The following PMS2 variants were observed in gnomAD, a reference collection of about 807,000 sequenced individuals.
PMS2 encodes the protein PMS1 homolog 2, mismatch repair system component, also known as mismatch repair endonuclease PMS2.
Under a neutral mutation model 90.0 loss-of-function variants are expected in PMS2, and 69 were observed. The ratio of observed to expected loss-of-function variants is 0.77; its 90% CI spans 0.63 to 0.94. The LOEUF (loss-of-function observed/expected upper bound fraction) is 0.94. Among genes scored for constraint, PMS2 ranks in the 40% least tolerant of loss-of-function variants. The probability of loss-of-function intolerance (pLI) is 0.00; values close to 1 mark genes in which losing one functional copy is unlikely to be tolerated. For missense variants in PMS2, 966 were observed against 1,040.2 expected (o/e 0.93, Z 0.98); for synonymous variants, 332 against 375.1 (o/e 0.89, Z 1.33).
At chr7:5,979,791 G>A (rs1042191017) in intron 12 of PMS2, among the ~76,000 whole-genome samples, 1 of 127,500 alleles carries the variant, frequency 7.8e-6, no homozygotes, top group African/African-American at 2.8e-5. Flanking sequence ...AAAGTGCTGG[G>A]ATTACGAGTG....
In PMS2 at chr7:5,987,725, A is replaced by T. The variant is rs1783206255; in HGVS notation, c.1145-105T>A. On this transcript the variant is annotated intron_variant, in intron 10 of 14. Transcript: ENST00000265849. The stretch of plus-strand genomic sequence containing the variant: ...CACAAAAGAGGAGATCCACATGCTA[A>T]TTACACAGATGAACACAGTTCAATG... The T allele has an allele frequency of 5.1e-6, 5 of 989,170 alleles. No homozygotes were observed. In the South Asian group the frequency reaches 5.1e-5, roughly 10 times the overall value. 61.3% of individuals were successfully genotyped at this position (989,170 alleles called of 1,614,324 possible). A position where few individuals can be genotyped will look rare whatever the true frequency, so the allele number is the denominator to read the frequency against.
intron 9 of PMS2, among the ~76,000 whole-genome samples, chr7:5,990,617 G>T (rs1435375987): frequency 6.6e-6 from 1 of 152,152 alleles, no homozygotes; most frequent in Non-Finnish European, 1.5e-5. Flanking sequence ...TTATAGGTAG[G>T]TGTGTAAATT....
At chr7:5,990,059 G>GT (rs149249785) in intron 9 of PMS2, 104 bp from the exon 10 acceptor site, 138,804 of 716,424 alleles carry the variant, frequency 0.19, 16,089 homozygotes, top group Middle Eastern at 0.25. Flanking sequence ...CTAGGCTGGA[G>GT]TGCAGTGGCG....
intron 10 of PMS2, among the ~76,000 whole-genome samples, chr7:5,989,130 A>G (rs111316560): frequency 0.012 from 1,798 of 152,248 alleles, 19 homozygotes; most frequent in Middle Eastern, 0.095. Flanking sequence ...GATTACAAGC[A>G]TGAGCCGCTG....
intron 2 of PMS2, 112 bp downstream of exon 2, chr7:6,005,780 A>G: frequency 6.5e-7 from 1 of 1,538,256 alleles, no homozygotes; most frequent in South Asian, 1.1e-5. Flanking sequence ...CTTAAAAATA[A>G]TAATTTATTA....
At chr7:6,001,148 C>A (rs1257856430) in intron 5 of PMS2, among the ~76,000 whole-genome samples, 1 of 152,080 alleles carries the variant, frequency 6.6e-6, no homozygotes, top group South Asian at 2.1e-4. Context: ...ATCTCACATC[C>A]AAGGATAACT....
chr7:5,976,051 C>A (rs570568880), intron 14 of PMS2, among the ~76,000 whole-genome samples: 24 of 144,882 alleles, frequency 1.7e-4, no homozygotes, highest in Admixed American at 9.7e-4. Flanking sequence ...CCAGCCTGAC[C>A]AACATGGTGA....
At chr7:5,986,697 A>G in intron 11 of PMS2, 62 bp downstream of exon 11, 5 of 1,316,490 alleles carry the variant, frequency 3.8e-6, no homozygotes, top group Non-Finnish European at 5.2e-6. Context: ...GTCTCAAAAA[A>G]ATAAAAAATA....
At chr7:6,004,983 C>T (rs1451746868) in intron 2 of PMS2, among the ~76,000 whole-genome samples, 5 of 151,962 alleles carry the variant, frequency 3.3e-5, no homozygotes. Context: ...TGGCTCACTG[C>T]AGCCTCCACC....
chr7:5,976,065 C>A (rs1182622876), intron 14 of PMS2, among the ~76,000 whole-genome samples: 1 of 144,754 alleles, frequency 6.9e-6, no homozygotes, highest in East Asian at 2.8e-4. Context: ...ATGGTGAAAC[C>A]CCATCTCTAT....
intron 12 of PMS2, 126 bp downstream of exon 12, chr7:5,982,698 T>C (rs1782420214): frequency 4.4e-6 from 6 of 1,374,948 alleles, no homozygotes; most frequent in Non-Finnish European, 4.1e-6. Context: ...TTAAAGTAGA[T>C]ACAAGGTCTT....
Position 6,002,586 on chromosome 7 carries a change from A to G in PMS2, c.404T>C (p.Leu135Pro), listed in dbSNP as rs2128818545. The G allele has an allele frequency of 1.2e-6, 2 of 1,611,954 alleles. No individual in the cohort carries two copies. Among genetic ancestry groups the G allele is most frequent in the South Asian group, 2.2e-5 (2 of 90,992 alleles). Residue 135 changes from leucine (L) to proline (P), a missense_variant, in exon 5 of 15, where the codon CTG becomes CCG. Physicochemically the swap from Leu to Pro is moderately conservative, Grantham distance 98. Transcript: ENST00000265849. ...AATTTTCCCATTGTGATCAAACATC[A>G]GTCGAGTTCCAACCTTCGCCGATGC... ...CHASAKVGTR[L>P]MFDHNGKIIQ...
At chr7:5,988,903 TG>T (rs1273748435) in intron 10 of PMS2, among the ~76,000 whole-genome samples, 1 of 152,126 alleles carries the variant, frequency 6.6e-6, no homozygotes, top group Non-Finnish European at 1.5e-5. Flanking sequence ...TCACCCAGGC[TG>T]GAGTGCAGTG....
chr7:5,996,427 C>T (rs943726609), intron 7 of PMS2, among the ~76,000 whole-genome samples: 1 of 151,630 alleles, frequency 6.6e-6, no homozygotes, highest in African/African-American at 2.4e-5. Context: ...TGGTGGTGAA[C>T]ACCTGTAGTC....
At chr7:5,981,347 C>T (rs1224390592) in intron 12 of PMS2, among the ~76,000 whole-genome samples, 3 of 150,032 alleles carry the variant, frequency 2.0e-5, no homozygotes, top group East Asian at 4.0e-4. Context: ...TGGGCTCAAA[C>T]GATCCTCCCA....
chr7:5,996,375 G>A (rs554828934), intron 7 of PMS2, among the ~76,000 whole-genome samples: 2 of 151,886 alleles, frequency 1.3e-5, no homozygotes, highest in East Asian at 1.9e-4. Context: ...GCAACATGGC[G>A]AAACCCCGTC....
Position 5,989,354 on chromosome 7 carries a change from G to T in PMS2, c.1144+446C>A, listed in dbSNP as rs528865027. 2.6e-5 allele frequency among the ~76,000 whole-genome samples: 4 copies of T among 152,102 alleles called. No homozygotes were observed. In the South Asian group the frequency reaches 8.3e-4, roughly 32 times the overall value. On this transcript the variant is annotated intron_variant, in intron 10 of 14. Coordinates refer to ENST00000265849, the MANE Select transcript of PMS2 (RefSeq NM_000535.7). ...GCTGAGGCAGGAGAATCTCTTGAAC[G>T]TGGGAGGCTTCAAGGTTGCAGTGAG...
rs1554306528 is a variant in PMS2 at position 6,005,982 on chromosome 7, G to A, written c.73C>T (p.Gln25Ter). 6.2e-7 allele frequency: 1 copy of A among 1,610,776 alleles called. No individual in the cohort carries two copies. Among genetic ancestry groups the A allele is most frequent in the Non-Finnish European group, 8.5e-7 (1 of 1,179,796 alleles). ...IKPIDRKSVH[Q>*]ICSGQVVLSL... ...AGTACCACCTGCCCAGAGCAAATCT[G>A]ATGGACTGACTTCCGATCAATAGGT... is the stretch of plus-strand genomic sequence containing the variant. The change falls in exon 2 of 15, where the codon CAG becomes TAG. Residue 25 changes from glutamine (Q) to a stop codon, truncating the protein, a stop_gained. Coordinates refer to ENST00000265849, the MANE Select transcript of PMS2 (RefSeq NM_000535.7). LOFTEE classifies it high-confidence loss of function.
intron 8 of PMS2, among the ~76,000 whole-genome samples, chr7:5,992,297 A>C (rs1235566799): frequency 6.6e-6 from 1 of 151,088 alleles, no homozygotes; most frequent in Non-Finnish European, 1.5e-5. Flanking sequence ...CCTGACATGT[A>C]ACTTGGATTA....
Sources: gnomAD v4.1 joint callset for allele counts (sites outside exome capture counted in the v4.1 genomes callset) on GRCh38, gnomAD v4.1.1 for gene constraint, MANE v1.5 for transcripts, NCBI Gene and HGNC (gene_info 2026-07-23, HGNC 2026-07-21) for gene names.